Variants in SYBU observed in about 807,000 individuals in gnomAD.
The protein encoded by SYBU is syntabulin, also known as GOLSYN A protein.
In SYBU, 21 loss-of-function variants were observed where a neutral mutation model predicts 35.9. The observed-to-expected ratio is 0.58, with a 90% CI of 0.41 to 0.84. SYBU has a LOEUF of 0.84. Among genes scored for constraint, SYBU ranks in the 40% least tolerant of loss-of-function variants. SYBU has a pLI of 0.00. For missense variants in SYBU, 768 were observed against 848.2 expected, an observed-to-expected ratio of 0.91 and a Z score of 1.17; for synonymous variants, 319 against 324.3, an observed-to-expected ratio of 0.98 and a Z score of 0.18.
intron 3 of SYBU, among the ~76,000 whole-genome samples, chr8:109,596,596 G>T (rs1439071161): frequency 6.6e-6 from 1 of 152,134 alleles, no homozygotes; most frequent in Non-Finnish European, 1.5e-5. Flanking sequence ...AATAAAACAG[G>T]TTATCATGAT....
chr8:109,575,760 G>A lies in SYBU; in HGVS notation c.1138C>T (p.His380Tyr). The A allele has an allele frequency of 6.2e-7, 1 of 1,614,142 alleles. No individual in the cohort carries two copies. ...AGTTCGTCCCTCAGAGAGCCACTGT[G>A]TGCCATCTCCATGCTCTGAAGGAGA... ...ESLLQSMEMA[H>Y]SGSLRDELCL... is the part of the protein sequence containing the mutation. The change falls in exon 7 of 7, where the codon CAC becomes TAC. Residue 380 changes from histidine to tyrosine, a missense_variant. By Grantham distance (83) the His-to-Tyr change is moderately conservative (BLOSUM62 2). Coordinates refer to ENST00000276646, the MANE Select transcript of SYBU (RefSeq NM_001099754.2).
rs2131155463 is a variant in SYBU, at chr8:109,574,634, A to T, written c.*272T>A. 1 of 337,954 alleles carries T rather than the reference A, an allele frequency of 3.0e-6. No homozygotes were observed. Among genetic ancestry groups the T allele is most frequent in the South Asian group, 1.4e-4 (1 of 7,162 alleles). The allele number at this position is 337,954 out of a possible 1,614,324, so 20.9% of individuals were successfully genotyped here. On this transcript the variant is annotated 3_prime_UTR_variant, in exon 7 of 7. Coordinates refer to ENST00000276646, the MANE Select transcript of SYBU (RefSeq NM_001099754.2). ...CTGCGTTTTCTCTTCCTGAACCACT[A>T]GGATAAGAACGGGTACCTCAGACGA...
chr8:109,630,924 G>A (rs531649905), intron 2 of SYBU, among the ~76,000 whole-genome samples: 1 of 152,294 alleles, frequency 6.6e-6, no homozygotes, highest in East Asian at 1.9e-4. Context: ...TGACTTGAAA[G>A]GCAGGAGGAA....
chr8:109,687,501 T>C (rs547071507), intron 1 of SYBU, among the ~76,000 whole-genome samples: 1 of 152,200 alleles, frequency 6.6e-6, no homozygotes, highest in South Asian at 2.1e-4. Flanking sequence ...AAGCCAAGCA[T>C]ATAGTTCTGA....
intron 3 of SYBU, among the ~76,000 whole-genome samples, chr8:109,611,388 G>A (rs1318817790): frequency 4.6e-5 from 7 of 152,138 alleles, no homozygotes; most frequent in Admixed American, 3.9e-4. Flanking sequence ...GTGCATCATC[G>A]AAAACACAGA....
In SYBU at chr8:109,691,219, G is replaced by T. The variant is rs1817637615; in HGVS notation, c.-58+114C>A. The T allele has an allele frequency of 1.6e-6, 1 of 633,280 alleles. No individual in the cohort carries two copies. Among genetic ancestry groups the T allele is most frequent in the Non-Finnish European group, 2.8e-6 (1 of 350,964 alleles). The allele number at this position is 633,280 out of a possible 1,614,324, so 39.2% of individuals were successfully genotyped here. ...GGATACCTCCCGCATTGGAAAGGGT[G>T]GTCCTGGGGTCCGGAGCGCCCCATC... On this transcript the variant is annotated intron_variant, in intron 1 of 7. Coordinates refer to the SYBU transcript ENST00000422135. The surrounding 1 kb of genome is among the most constrained non-coding windows in gnomAD (Gnocchi z 4.7).
intron 2 of SYBU, among the ~76,000 whole-genome samples, chr8:109,628,402 G>T (rs911344492): frequency 6.6e-6 from 1 of 151,680 alleles, no homozygotes; most frequent in African/African-American, 2.4e-5. Flanking sequence ...GTAGCAATCA[G>T]GATCACTGCA....
intron 2 of SYBU, among the ~76,000 whole-genome samples, chr8:109,619,813 C>T (rs1006536525): frequency 6.6e-6 from 1 of 152,128 alleles, no homozygotes. Context: ...ATAAGTCATC[C>T]GACTTTAGGG....
chr8:109,592,229 T>A (rs907784348), intron 3 of SYBU, among the ~76,000 whole-genome samples: 1 of 152,168 alleles, frequency 6.6e-6, no homozygotes, highest in African/African-American at 2.4e-5. Flanking sequence ...ACTCATACAT[T>A]TTTATAATTA....
intron 1 of SYBU, among the ~76,000 whole-genome samples, chr8:109,686,066 C>T (rs953058435): frequency 2.6e-5 from 4 of 152,030 alleles, no homozygotes; most frequent in Non-Finnish European, 1.5e-5. Context: ...TATTTCCATG[C>T]TGGTTATAAA....
At chr8:109,595,814 T>A (rs923506429) in intron 3 of SYBU, among the ~76,000 whole-genome samples, 5 of 152,184 alleles carry the variant, frequency 3.3e-5, no homozygotes, top group Non-Finnish European at 7.3e-5. Flanking sequence ...CAGGCGAATT[T>A]AAAACCTTCC....
Position 109,644,631 on chromosome 8 carries a change from C to G in SYBU, c.24+5G>C. ...CCAGTGCCCGCACTGCCCCGCGCTC[C>G]TTACCTTGCTCTCGCGGAGGGGCCC... On this transcript the variant is annotated splice_donor_5th_base_variant and intron_variant, in intron 1 of 6. Transcript: ENST00000276646. The G allele has an allele frequency of 6.5e-7, 1 of 1,539,270 alleles. No homozygotes were observed. The highest frequency in any genetic ancestry group is 1.4e-5 in the African/African-American group (1 of 71,860).
At chr8:109,665,630 C>T (rs1266663592) in intron 1 of SYBU, among the ~76,000 whole-genome samples, 1 of 152,180 alleles carries the variant, frequency 6.6e-6, no homozygotes, top group Non-Finnish European at 1.5e-5. Flanking sequence ...ATGAAGCTCT[C>T]TTTGGCCTAT....
chr8:109,645,633 G>GTTTTTTTTGTTT (rs1554624999), upstream of SYBU: 7 of 217,766 alleles, frequency 3.2e-5, no homozygotes, highest in African/African-American at 1.9e-4. Context: ...TTCGTTTTTT[G>GTTTTTTTTGTTT]TTTTTTTTTT....
chr8:109,644,953 C>T, upstream of SYBU: 1 of 525,842 alleles, frequency 1.9e-6, no homozygotes, highest in Non-Finnish European at 3.5e-6. Context: ...CGCGCCTGGG[C>T]GCGCCCCACC....
At chr8:109,609,868 C>T (rs1810973748) in intron 3 of SYBU, among the ~76,000 whole-genome samples, 1 of 152,164 alleles carries the variant, frequency 6.6e-6, no homozygotes, top group Admixed American at 6.6e-5. Flanking sequence ...CCACCACCTC[C>T]ATCCTAGGCT....
intron 3 of SYBU, among the ~76,000 whole-genome samples, chr8:109,615,997 C>CTTT (rs144362049): frequency 1.0e-5 from 1 of 96,048 alleles, no homozygotes; most frequent in Admixed American, 1.0e-4. Flanking sequence ...CTTTTCTTTT[C>CTTT]TTTTCTTTCT....
chr8:109,640,550 C>T (rs1162842076), intron 2 of SYBU, among the ~76,000 whole-genome samples: 1 of 151,776 alleles, frequency 6.6e-6, no homozygotes, highest in African/African-American at 2.4e-5. Context: ...GCTCTGGGCT[C>T]CAAAACAGAG....
chr8:109,666,948 T>C (rs1816775792), intron 1 of SYBU, among the ~76,000 whole-genome samples: 1 of 152,150 alleles, frequency 6.6e-6, no homozygotes, highest in South Asian at 2.1e-4. Flanking sequence ...TATCCTCTAA[T>C]TTAAATATCC....
Sources: allele counts gnomAD v4.1 joint callset (sites outside exome capture counted in the v4.1 genomes callset), GRCh38; gene constraint gnomAD v4.1.1; non-coding constraint Gnocchi (gnomAD v3.1); transcripts MANE v1.5; gene names NCBI Gene and HGNC (gene_info 2026-07-23, HGNC 2026-07-21).